The following EBF1 variants were observed in gnomAD, a reference collection of about 807,000 sequenced individuals.
EBF1 encodes the protein EBF transcription factor 1, also known as transcription factor COE1.
Under a neutral mutation model 68.4 loss-of-function variants are expected in EBF1, and 10 were observed. The observed-to-expected ratio is 0.15, with a 90% CI of 0.09 to 0.25. EBF1 has a LOEUF of 0.25. Ranked by LOEUF, EBF1 falls within the 10% of genes least tolerant of loss-of-function variation. The probability of loss-of-function intolerance (pLI) is 1.00; values close to 1 mark genes in which losing one functional copy is unlikely to be tolerated. For synonymous variants in EBF1, 298 were observed against 299.8 expected (o/e 0.99, Z 0.06); for missense variants, 509 against 794.4 (o/e 0.64, Z 4.32).
intron 6 of EBF1, among the ~76,000 whole-genome samples, chr5:158,992,751 A>T (rs917182339): frequency 6.6e-6 from 1 of 152,042 alleles, no homozygotes; most frequent in Admixed American, 6.5e-5. Flanking sequence ...TGTAACTAAA[A>T]ATTTCTTTAA....
At chr5:158,840,162 G>A (rs1343490265) in intron 6 of EBF1, 52 bp from the exon 7 acceptor site, 2 of 1,375,772 alleles carry the variant, frequency 1.5e-6, no homozygotes, top group Non-Finnish European at 2.1e-6. Context: ...GACACGGGAG[G>A]GAAAAAAGAG....
chr5:159,051,525 C>T (rs1024454599), intron 6 of EBF1, among the ~76,000 whole-genome samples: 5 of 150,432 alleles, frequency 3.3e-5, no homozygotes, highest in East Asian at 2.0e-4. Flanking sequence ...AAACTGGAGC[C>T]GGGGCCTTTC....
At chr5:159,085,070 T>A (rs1399485646) in intron 4 of EBF1, among the ~76,000 whole-genome samples, 1 of 152,176 alleles carries the variant, frequency 6.6e-6, no homozygotes, top group Non-Finnish European at 1.5e-5. Context: ...CTTAGCAGAT[T>A]GAGATACTAT....
intron 8 of EBF1, among the ~76,000 whole-genome samples, chr5:158,822,577 A>C (rs575417616): frequency 2.1e-4 from 32 of 152,292 alleles, no homozygotes; most frequent in African/African-American, 7.5e-4. Flanking sequence ...TACAGACAGC[A>C]AGTTCTATCA....
intron 5 of EBF1, among the ~76,000 whole-genome samples, chr5:159,082,767 C>T (rs568769790): frequency 6.6e-6 from 1 of 152,308 alleles, no homozygotes; most frequent in South Asian, 2.1e-4. Flanking sequence ...GTAACATTAG[C>T]AGGATGACAT....
At chr5:159,050,969 C>T (rs1773498525) in intron 6 of EBF1, among the ~76,000 whole-genome samples, 1 of 152,152 alleles carries the variant, frequency 6.6e-6, no homozygotes, top group South Asian at 2.1e-4. Flanking sequence ...TGTAACTTTA[C>T]CCTGGTGAAC....
At chr5:158,759,617 C>T (rs1770952292) in intron 10 of EBF1, among the ~76,000 whole-genome samples, 1 of 152,144 alleles carries the variant, frequency 6.6e-6, no homozygotes, top group African/African-American at 2.4e-5. Flanking sequence ...TGAGGGCTTA[C>T]AGTGCTATCC....
chr5:159,084,777 G>T, intron 4 of EBF1, 38 bp from the exon 5 acceptor site: 1 of 1,517,096 alleles, frequency 6.6e-7, no homozygotes, highest in East Asian at 2.3e-5. Flanking sequence ...AGAATGGAAA[G>T]GAGTAGCAGA....
chr5:158,721,363 G>GT (rs1761898633), intron 11 of EBF1, among the ~76,000 whole-genome samples: 1 of 152,052 alleles, frequency 6.6e-6, no homozygotes, highest in Non-Finnish European at 1.5e-5. Flanking sequence ...ACTAACTTAC[G>GT]TGATTGACTT....
chr5:158,990,390 G>A (rs1364546142), intron 6 of EBF1, among the ~76,000 whole-genome samples: 1 of 152,226 alleles, frequency 6.6e-6, no homozygotes, highest in Non-Finnish European at 1.5e-5. Flanking sequence ...CCTAGCTGCA[G>A]TGTGGAGGAA....
chr5:158,915,376 A>G (rs1450589505), intron 6 of EBF1, among the ~76,000 whole-genome samples: 2 of 152,262 alleles, frequency 1.3e-5, no homozygotes, highest in Non-Finnish European at 2.9e-5. Flanking sequence ...ACAAAAGGAA[A>G]CAATAGTCAG....
At chr5:159,012,407 T>C (rs1764850767) in intron 6 of EBF1, among the ~76,000 whole-genome samples, 1 of 152,084 alleles carries the variant, frequency 6.6e-6, no homozygotes, top group Admixed American at 6.5e-5. Flanking sequence ...CTGAATTGTG[T>C]CCCATTCCAC....
intron 10 of EBF1, among the ~76,000 whole-genome samples, chr5:158,736,771 T>C (rs1033118022): frequency 6.6e-6 from 1 of 152,202 alleles, no homozygotes; most frequent in African/African-American, 2.4e-5. Context: ...GCCCCATTTT[T>C]CCCTCAGTCA....
chr5:158,725,146 C>T lies in EBF1; in HGVS notation c.1125+5923G>A, dbSNP rs1762735969. On this transcript the variant is annotated intron_variant, in intron 11 of 15. Transcript: ENST00000313708. ...AAGGAGAAGCTACCGTGAGGATTTG[C>T]TACCTCTGTATTTCCAAGGAAGCCT... is the stretch of plus-strand genomic sequence containing the variant. Among the ~76,000 whole-genome samples, 4 of 152,242 alleles carry T rather than the reference C, an allele frequency of 2.6e-5. No individual in the cohort carries two copies. In the South Asian group the frequency reaches 8.3e-4, roughly 32 times the overall value.
intron 8 of EBF1, among the ~76,000 whole-genome samples, chr5:158,812,146 A>G (rs925513462): frequency 3.3e-5 from 5 of 152,178 alleles, no homozygotes; most frequent in African/African-American, 4.8e-5. Flanking sequence ...CTGTAGCCCT[A>G]TTGTCTGATA....
intron 6 of EBF1, among the ~76,000 whole-genome samples, chr5:158,905,596 G>A (rs932699078): frequency 1.2e-4 from 18 of 152,044 alleles, no homozygotes; most frequent in Non-Finnish European, 1.3e-4. Flanking sequence ...ATTACCTTTC[G>A]AACAAAGCCA....
chr5:158,706,072 C>T (rs892287532), intron 15 of EBF1, among the ~76,000 whole-genome samples: 3 of 152,024 alleles, frequency 2.0e-5, no homozygotes, highest in African/African-American at 7.3e-5. Context: ...CTGAGGGTGA[C>T]AAAGCATTAT....
intron 6 of EBF1, among the ~76,000 whole-genome samples, chr5:158,909,127 AAAAG>A (rs948673769): frequency 2.6e-5 from 4 of 152,158 alleles, no homozygotes; most frequent in African/African-American, 9.7e-5. Context: ...AGAAAAAAAA[AAAAG>A]AAAACAGAAA....
At chr5:158,812,425 CTTGGGGG>C (rs1273207452) in intron 8 of EBF1, among the ~76,000 whole-genome samples, 1 of 152,124 alleles carries the variant, frequency 6.6e-6, no homozygotes, top group Non-Finnish European at 1.5e-5. Context: ...ACTCTATTCT[CTTGGGGG>C]TTAAAATTAG....
Sources: allele counts gnomAD v4.1 joint callset (sites outside exome capture counted in the v4.1 genomes callset), GRCh38; gene constraint gnomAD v4.1.1; transcripts MANE v1.5; gene names NCBI Gene and HGNC (gene_info 2026-07-23, HGNC 2026-07-21).